The following CHGA variants were observed in gnomAD, a reference collection of about 807,000 sequenced individuals.
The protein encoded by CHGA is chromogranin-A.
CHGA carries 41 observed loss-of-function variants against 54.4 expected under a neutral mutation model. That is an observed-to-expected ratio of 0.75 (90% CI 0.59 to 0.98). The LOEUF (loss-of-function observed/expected upper bound fraction) is 0.98. CHGA is among the 50% of genes least tolerant of loss of function. The pLI is 0.00. For missense variants in CHGA, 576 were observed against 582.3 expected (o/e 0.99, Z 0.11); for synonymous variants, 249 against 232.8 (o/e 1.07, Z -0.63).
chr14:92,930,166 T>C (rs1357902755), intron 5 of CHGA, among the ~76,000 whole-genome samples: 1 of 152,216 alleles, frequency 6.6e-6, no homozygotes, highest in Non-Finnish European at 1.5e-5. Context: ...CCACCCCCAG[T>C]GCCTGTCCTC....
At chr14:92,933,997 A>G (rs1257133418) in intron 7 of CHGA, among the ~76,000 whole-genome samples, 1 of 152,076 alleles carries the variant, frequency 6.6e-6, no homozygotes, top group Non-Finnish European at 1.5e-5. Context: ...GGCCTCCTCC[A>G]AGACTAAGGG....
chr14:92,922,769 C>T (rs979172166), upstream of CHGA, among the ~76,000 whole-genome samples: 8 of 152,130 alleles, frequency 5.3e-5, no homozygotes, highest in Non-Finnish European at 1.2e-4. Flanking sequence ...GGGGAGCATA[C>T]CCCAGGCAGA....
chr14:92,925,645 ACCT>A (rs1886872745), intron 2 of CHGA, among the ~76,000 whole-genome samples: 2 of 151,788 alleles, frequency 1.3e-5, no homozygotes, highest in African/African-American at 4.8e-5. Flanking sequence ...CCTGTCTGAC[ACCT>A]CCTGCTCTCT....
rs113312681 is a variant in CHGA, at chr14:92,925,096, TCA to T, written c.93+852_93+853del. ...AGGACAGAATTTAAACCTCTACCAC[TCA>T]TTCTAGCTGTGTGACCTTGGGAAAA... On this transcript the variant is annotated intron_variant, in intron 2 of 7. Coordinates refer to ENST00000216492, the MANE Select transcript of CHGA (RefSeq NM_001275.4). Among the ~76,000 whole-genome samples, 1,284 of 152,338 alleles carry T rather than the reference TCA, an allele frequency of 8.4e-3. 21 individuals are homozygous for T. Among genetic ancestry groups the T allele is most frequent in the African/African-American group, 0.029 (1,214 of 41,574 alleles).
At chr14:92,930,782 T>C (rs893688590) in intron 5 of CHGA, among the ~76,000 whole-genome samples, 1 of 152,226 alleles carries the variant, frequency 6.6e-6, no homozygotes, top group Non-Finnish European at 1.5e-5. Flanking sequence ...AAAGGCTGTC[T>C]TTAAGGCAGC....
Position 92,931,294 on chromosome 14 carries a change from G to A in CHGA, c.400G>A (p.Glu134Lys). 6.2e-7 allele frequency: 1 copy of A among 1,613,684 alleles called. No homozygotes were observed. The highest frequency in any genetic ancestry group is 8.5e-7 in the Non-Finnish European group (1 of 1,179,916). The change falls in exon 6 of 8, where the codon GAG becomes AAG. Residue 134 changes from glutamate (E) to lysine (K), a missense_variant. Coordinates refer to ENST00000216492, the MANE Select transcript of CHGA (RefSeq NM_001275.4). Reference protein sequence around the residue: ...PSSKDVMEKREDSKEAEKSGE... With the variant: ...PSSKDVMEKRKDSKEAEKSGE... ...ATCCAAGGATGTTATGGAGAAAAGA[G>A]AGGATTCCAAGGAGGCAGAGAAAAG...
Position 92,932,796 on chromosome 14 carries a change from G to A in CHGA, c.1235G>A (p.Arg412Gln), listed in dbSNP as rs371784494. The A allele has an allele frequency of 8.3e-6, 13 of 1,568,836 alleles. No individual in the cohort carries two copies. The East Asian group carries it at 9.1e-5, about 11-fold the overall frequency. The change falls in exon 7 of 8, where the codon CGA becomes CAA. Residue 412 changes from arginine to glutamine, a missense_variant. By Grantham distance (43) the Arg-to-Gln change is conservative. Transcript: ENST00000216492. This position sits in a 1 kb window ranked among gnomAD's most constrained non-coding sequence, Gnocchi z 5.3. ...SLEAGLPLQV[R>Q]GYPEEKKEEE... ...GAGGCGGGCCTGCCCCTCCAGGTCC[G>A]AGGCTACCCCGAGGAGAAGAAAGAG...
At chr14:92,923,472 A>C (rs1199288812) in intron 1 of CHGA, 67 bp downstream of exon 1, 2 of 1,205,298 alleles carry the variant, frequency 1.7e-6, no homozygotes, top group African/African-American at 3.1e-5. Flanking sequence ...AGGTCCGGGC[A>C]CCGCGCGGCG....
At position 92,932,520 on chromosome 14, in the gene CHGA, G is replaced by T; in HGVS notation, c.959G>T (p.Gly320Val). ...AVVPQGLFRG[G>V]KSGELEQEEE... ...GTCCCGCAAGGCCTCTTCCGGGGTG[G>T]GAAGAGCGGAGAGCTGGAGCAGGAG... The change falls in exon 7 of 8, where the codon GGG becomes GTG. Residue 320 changes from glycine (G) to valine (V), a missense_variant. Physicochemically the swap from Gly to Val is moderately radical, Grantham distance 109 (BLOSUM62 -3). Transcript: ENST00000216492. This position sits in a 1 kb window ranked among gnomAD's most constrained non-coding sequence, Gnocchi z 5.3. The T allele has an allele frequency of 6.4e-7, 1 of 1,553,686 alleles. No individual in the cohort carries two copies. The highest frequency in any genetic ancestry group is 8.7e-7 in the Non-Finnish European group (1 of 1,148,442).
In CHGA at chr14:92,932,946, A is replaced by G; in HGVS notation, c.1290+95A>G. ...ACTGCCCCTGCCCCACTGAGGGGAC[A>G]GGGCCCCCCCGCCGAAGTCTGGGGA... On this transcript the variant is annotated intron_variant, in intron 7 of 7. Coordinates refer to ENST00000216492, the MANE Select transcript of CHGA (RefSeq NM_001275.4). This position sits in a 1 kb window ranked among gnomAD's most constrained non-coding sequence, Gnocchi z 5.3. 1 of 1,427,692 alleles carries G rather than the reference A, an allele frequency of 7.0e-7. No homozygotes were observed. The highest frequency in any genetic ancestry group is 1.6e-5 in the South Asian group (1 of 63,318). 88.4% of individuals were successfully genotyped at this position (1,427,692 alleles called of 1,614,324 possible).
intron 5 of CHGA, 143 bp from the exon 6 acceptor site, chr14:92,931,107 A>C: frequency 1.3e-6 from 1 of 746,898 alleles, no homozygotes; most frequent in South Asian, 2.0e-5. Flanking sequence ...GGACATGGAC[A>C]GAGGGGTAAC....
chr14:92,931,707 G>T lies in CHGA; in HGVS notation c.808+5G>T, dbSNP rs775869310. ...AGGAGATCCGGAAAGGCGAGAGTAC[G>T]TATGATGGCGAAGACCTCAACGAAC... On this transcript the variant is annotated splice_donor_5th_base_variant and intron_variant, in intron 6 of 7. Coordinates refer to ENST00000216492, the MANE Select transcript of CHGA (RefSeq NM_001275.4). 2 of 1,553,548 alleles carry T rather than the reference G, an allele frequency of 1.3e-6. No homozygotes were observed. Among genetic ancestry groups the T allele is most frequent in the Non-Finnish European group, 8.7e-7 (1 of 1,146,546 alleles).
At chr14:92,933,548 C>T (rs1887056929) in intron 7 of CHGA, among the ~76,000 whole-genome samples, 1 of 151,894 alleles carries the variant, frequency 6.6e-6, no homozygotes, top group South Asian at 2.1e-4. Context: ...GGCAGCTAGG[C>T]GGCTGGGATA....
At position 92,932,167 on chromosome 14, in the gene CHGA, G is replaced by A. The variant is rs185809040; in HGVS notation, c.809-203G>A. 8.3e-4 allele frequency: 516 copies of A among 621,680 alleles called. 7 individuals are homozygous for A. The East Asian group carries it at 0.014, about 17-fold the overall frequency. 38.5% of individuals were successfully genotyped at this position (621,680 alleles called of 1,614,324 possible). A position where few individuals can be genotyped will look rare whatever the true frequency, so the allele number is the denominator to read the frequency against. ...CGGGCTTCTGGGGTGAGGATGAGGGGAAGAGGCAGGCTCCAGCTAACCCAC... is the reference window on the plus strand; with the variant it reads ...CGGGCTTCTGGGGTGAGGATGAGGGAAAGAGGCAGGCTCCAGCTAACCCAC... On this transcript the variant is annotated intron_variant, in intron 6 of 7. Coordinates refer to ENST00000216492, the MANE Select transcript of CHGA (RefSeq NM_001275.4). This position sits in a 1 kb window ranked among gnomAD's most constrained non-coding sequence, Gnocchi z 5.3.
chr14:92,934,093 G>C (rs541513929), intron 7 of CHGA, among the ~76,000 whole-genome samples: 66 of 152,294 alleles, frequency 4.3e-4, no homozygotes, highest in Admixed American at 5.9e-4. Flanking sequence ...CAGTGACCCC[G>C]GGAAAATGAC....
At chr14:92,931,096 T>C (rs564636666) in intron 5 of CHGA, among the ~76,000 whole-genome samples, 154 bp from the exon 6 acceptor site, 118 of 152,390 alleles carry the variant, frequency 7.7e-4, no homozygotes, top group African/African-American at 2.6e-3. Context: ...AGATCAAGCC[T>C]GGACATGGAC....
Position 92,923,240 on chromosome 14 carries a change from C to T in CHGA, c.-120C>T. ...CAGACGGACGCACGCCGAGGCACTG[C>T]GCCCCCAGCCCCGCGCCGGTGCCAC... On this transcript the variant is annotated 5_prime_UTR_variant, in exon 1 of 8. Transcript: ENST00000216492. 2.2e-6 allele frequency: 2 copies of T among 894,790 alleles called. No homozygotes were observed. The highest frequency in any genetic ancestry group is 1.5e-6 in the Non-Finnish European group (1 of 687,302). The allele number at this position is 894,790 out of a possible 1,614,324, so 55.4% of individuals were successfully genotyped here. A position where few individuals can be genotyped will look rare whatever the true frequency, so the allele number is the denominator to read the frequency against.
In CHGA at chr14:92,934,919, T is replaced by A; in HGVS notation, c.*35T>A. On this transcript the variant is annotated 3_prime_UTR_variant, in exon 8 of 8. Transcript: ENST00000216492. ...TGGCAGGGCTGGCCCCAGGGCACCC[T>A]GTGGCCCTGGCTCTGCTGTCCCCTT... 1 of 1,515,242 alleles carries A rather than the reference T, an allele frequency of 6.6e-7. No individual in the cohort carries two copies. The highest frequency in any genetic ancestry group is 8.9e-7 in the Non-Finnish European group (1 of 1,125,608). The allele number at this position is 1,515,242 out of a possible 1,614,324, so 93.9% of individuals were successfully genotyped here. A position where few individuals can be genotyped will look rare whatever the true frequency, so the allele number is the denominator to read the frequency against.
chr14:92,924,377 G>C, intron 2 of CHGA, 132 bp downstream of exon 2: 11 of 835,206 alleles, frequency 1.3e-5, no homozygotes, highest in Non-Finnish European at 2.0e-5. Flanking sequence ...CCTGGGGACA[G>C]CTTGCAAAAG....
Sources: gnomAD v4.1 joint callset for allele counts (sites outside exome capture counted in the v4.1 genomes callset) on GRCh38, gnomAD v4.1.1 for gene constraint, Gnocchi (gnomAD v3.1) non-coding constraint, MANE v1.5 for transcripts, NCBI Gene and HGNC (gene_info 2026-07-23, HGNC 2026-07-21) for gene names.